Variants in SMARCB1 observed in about 807,000 individuals in gnomAD.
SMARCB1 encodes the protein SWI/SNF related BAF chromatin remodeling complex subunit B1, also known as SWI/SNF-related matrix-associated actin-dependent regulator of chromatin subfamily B member 1.
In SMARCB1, 5 loss-of-function variants were observed where a neutral mutation model predicts 49.0. The observed-to-expected ratio is 0.10, with a 90% CI of 0.05 to 0.21. SMARCB1 has a LOEUF of 0.21. Ranked by LOEUF, SMARCB1 falls within the 10% of genes least tolerant of loss-of-function variation. The pLI is 1.00. For missense variants in SMARCB1, 226 were observed against 509.2 expected (o/e 0.44, Z 5.35); for synonymous variants, 201 against 200.1 (o/e 1.00, Z -0.04).
intron 3 of SMARCB1, among the ~76,000 whole-genome samples, chr22:23,800,556 C>G (rs1470749725): frequency 6.6e-6 from 1 of 152,168 alleles, no homozygotes; most frequent in Non-Finnish European, 1.5e-5. Flanking sequence ...CTCCTCCTTG[C>G]TGCTGCCCGT....
At chr22:23,809,386 C>T (rs1929725549) in intron 5 of SMARCB1, among the ~76,000 whole-genome samples, 1 of 151,292 alleles carries the variant, frequency 6.6e-6, no homozygotes, top group Non-Finnish European at 1.5e-5. Flanking sequence ...AAGTGATTCT[C>T]CTGCCTCAGT....
intron 7 of SMARCB1, among the ~76,000 whole-genome samples, chr22:23,832,007 G>A (rs1259669516): frequency 9.9e-5 from 15 of 152,244 alleles, no homozygotes; most frequent in Non-Finnish European, 1.5e-5. Flanking sequence ...AGCTTCAGCT[G>A]TGAGGGGTCA....
chr22:23,821,407 G>A (rs928025283), intron 6 of SMARCB1, among the ~76,000 whole-genome samples: 1 of 149,582 alleles, frequency 6.7e-6, no homozygotes, highest in Non-Finnish European at 1.5e-5. Flanking sequence ...CAGAAGAGCT[G>A]GGTATTTCTT....
chr22:23,822,214 G>A (rs8136927), intron 6 of SMARCB1, among the ~76,000 whole-genome samples: 15,883 of 152,266 alleles, frequency 0.1, 2,535 homozygotes, highest in African/African-American at 0.34. Flanking sequence ...GGCCCAAGTC[G>A]GCTTTGCCCA....
chr22:23,836,840 A>G lies in SMARCB1; in HGVS notation c.*2660A>G, dbSNP rs368846689. 1.7e-5 allele frequency: 25 copies of G among 1,437,532 alleles called. No individual in the cohort carries two copies. In the African/African-American group the frequency reaches 3.5e-4, roughly 20 times the overall value. 89.0% of individuals were successfully genotyped at this position (1,437,532 alleles called of 1,614,324 possible). On this transcript the variant is annotated 3_prime_UTR_variant, in exon 9 of 9. Coordinates refer to ENST00000644036, the MANE Select transcript of SMARCB1 (RefSeq NM_003073.5). ...CATGGGTAGGATGGAAGCTGCCAGA[A>G]GCCTCTTAGGCCTGGCCCTGGGTGG...
chr22:23,834,861 G>T lies in SMARCB1; in HGVS notation c.*681G>T. On this transcript the variant is annotated 3_prime_UTR_variant, in exon 9 of 9. Coordinates refer to ENST00000644036, the MANE Select transcript of SMARCB1 (RefSeq NM_003073.5). ...TGCCGCGAGCTCTCCTGCCGTCCCTGGGCCGCCCTGGCTCTGCTGTGTCCA... is the reference window on the plus strand; with the variant it reads ...TGCCGCGAGCTCTCCTGCCGTCCCTTGGCCGCCCTGGCTCTGCTGTGTCCA... 6.2e-7 allele frequency: 1 copy of T among 1,612,594 alleles called. No homozygotes were observed.
intron 3 of SMARCB1, among the ~76,000 whole-genome samples, chr22:23,797,273 C>T (rs1189239117): frequency 6.7e-6 from 1 of 148,934 alleles, no homozygotes; most frequent in Non-Finnish European, 1.5e-5. Context: ...GCTGGGATTA[C>T]AGGCGTGAGC....
At chr22:23,806,103 G>A (rs937489945) in intron 5 of SMARCB1, among the ~76,000 whole-genome samples, 3 of 152,218 alleles carry the variant, frequency 2.0e-5, no homozygotes, top group Non-Finnish European at 2.9e-5. Flanking sequence ...GGAGTTGGGC[G>A]TGGCTCTGGG....
At chr22:23,812,032 A>T (rs992009454) in intron 5 of SMARCB1, among the ~76,000 whole-genome samples, 1 of 152,268 alleles carries the variant, frequency 6.6e-6, no homozygotes, top group Non-Finnish European at 1.5e-5. Context: ...AAACAATTCT[A>T]TAAGTTTGAC....
At chr22:23,832,699 A>G (rs1407146899) in intron 7 of SMARCB1, among the ~76,000 whole-genome samples, 1 of 152,238 alleles carries the variant, frequency 6.6e-6, no homozygotes, top group Non-Finnish European at 1.5e-5. Flanking sequence ...TGGGAGGCAC[A>G]CGGGCCCTGT....
Position 23,834,372 on chromosome 22 carries a change from AC to A in SMARCB1, c.*196del. 2.6e-6 allele frequency: 1 copy of A among 388,640 alleles called. No homozygotes were observed. The highest frequency in any genetic ancestry group is 4.6e-6 in the Non-Finnish European group (1 of 218,296). 24.1% of individuals were successfully genotyped at this position (388,640 alleles called of 1,614,324 possible). On this transcript the variant is annotated 3_prime_UTR_variant, in exon 9 of 9. Coordinates refer to ENST00000644036, the MANE Select transcript of SMARCB1 (RefSeq NM_003073.5). ...TTGTTGAGCCCCAGTCCTGCCCCCC[AC>A]CCCACCCTCCCTACCCCTCCCCAGT...
Position 23,835,533 on chromosome 22 carries a change from G to A in SMARCB1, c.*1353G>A. On this transcript the variant is annotated 3_prime_UTR_variant, in exon 9 of 9. Coordinates refer to ENST00000644036, the MANE Select transcript of SMARCB1 (RefSeq NM_003073.5). ...GGAGGGCTCCTTTGAGCACATGTTA[G>A]CATGGGACTCTTCCCAGGGAGTTTG... The A allele has an allele frequency of 2.0e-6, 2 of 985,520 alleles. No homozygotes were observed. The highest frequency in any genetic ancestry group is 2.4e-6 in the Non-Finnish European group (2 of 829,964). The allele number at this position is 985,520 out of a possible 1,614,324, so 61.0% of individuals were successfully genotyped here.
intron 5 of SMARCB1, among the ~76,000 whole-genome samples, chr22:23,804,766 AC>A (rs1469669302): frequency 1.3e-5 from 2 of 152,124 alleles, no homozygotes; most frequent in African/African-American, 4.8e-5. Context: ...CTGGTCTTGA[AC>A]TGACCTCAGG....
At chr22:23,797,524 A>T (rs1363760744) in intron 3 of SMARCB1, among the ~76,000 whole-genome samples, 1 of 139,330 alleles carries the variant, frequency 7.2e-6, no homozygotes, top group East Asian at 2.4e-4. Flanking sequence ...GTTAGCCAGG[A>T]TGGTCTCGAT....
intron 7 of SMARCB1, among the ~76,000 whole-genome samples, chr22:23,831,709 G>A (rs1204218131): frequency 6.6e-6 from 1 of 152,194 alleles, no homozygotes; most frequent in Non-Finnish European, 1.5e-5. Flanking sequence ...TGTTTAAGAG[G>A]AAAACATGTT....
chr22:23,822,423 G>T (rs1329863497), intron 6 of SMARCB1, among the ~76,000 whole-genome samples: 1 of 152,182 alleles, frequency 6.6e-6, no homozygotes, highest in African/African-American at 2.4e-5. Context: ...TCTTAGCTCT[G>T]TGAGTCCACC....
In SMARCB1 at chr22:23,837,433, C is replaced by T. The variant is rs2146062814; in HGVS notation, c.*3253C>T. 1.5e-6 allele frequency: 1 copy of T among 645,318 alleles called. No individual in the cohort carries two copies. Among genetic ancestry groups the T allele is most frequent in the Non-Finnish European group, 2.7e-6 (1 of 377,210 alleles). The allele number at this position is 645,318 out of a possible 1,614,324, so 40.0% of individuals were successfully genotyped here. A position where few individuals can be genotyped will look rare whatever the true frequency, so the allele number is the denominator to read the frequency against. On this transcript the variant is annotated 3_prime_UTR_variant, in exon 9 of 9. Coordinates refer to ENST00000644036, the MANE Select transcript of SMARCB1 (RefSeq NM_003073.5). Reference sequence around the variant, plus strand: ...CTGACCCTCCCATCCTCACTCCCATCAGGACCGTGCAAGCATCAGTAGATC... The same window carrying T: ...CTGACCCTCCCATCCTCACTCCCATTAGGACCGTGCAAGCATCAGTAGATC...
chr22:23,825,166 C>T, intron 6 of SMARCB1, 59 bp from the exon 7 acceptor site: 4 of 1,493,810 alleles, frequency 2.7e-6, no homozygotes, highest in Non-Finnish European at 3.7e-6. Flanking sequence ...GGGCCCCGCT[C>T]CTCGCGGCCT....
intron 6 of SMARCB1, chr22:23,818,128 A>G (rs2029882239): frequency 9.8e-6 from 1 of 102,334 alleles, no homozygotes; most frequent in Non-Finnish European, 2.0e-5. Context: ...ACCTGGCCGA[A>G]ATACTTTGGG....
Sources: allele counts gnomAD v4.1 joint callset (sites outside exome capture counted in the v4.1 genomes callset), GRCh38; gene constraint gnomAD v4.1.1; transcripts MANE v1.5; gene names NCBI Gene and HGNC (gene_info 2026-07-23, HGNC 2026-07-21).